The following KLF6 variants were observed in gnomAD, a reference collection of about 807,000 sequenced individuals.
KLF6 encodes KLF transcription factor 6.
For missense variants in KLF6, 233 were observed against 359.8 expected (o/e 0.65, Z 2.85); for synonymous variants, 152 against 147.9 (o/e 1.03, Z -0.20).
rs1832468226 is a variant in KLF6, at chr10:3,779,293, A to G, written c.*246T>C. On this transcript the variant is annotated 3_prime_UTR_variant, in exon 4 of 4. Transcript: ENST00000497571. ...GTGTGCATGCTCACGGCAAAGGCTTAGGCGCCGCTCGGAAGGGCGGGTACC... is the reference window on the plus strand; with the variant it reads ...GTGTGCATGCTCACGGCAAAGGCTTGGGCGCCGCTCGGAAGGGCGGGTACC... 3.1e-6 allele frequency: 2 copies of G among 651,214 alleles called. No homozygotes were observed. Among genetic ancestry groups the G allele is most frequent in the Non-Finnish European group, 5.7e-6 (2 of 353,006 alleles). 40.3% of individuals were successfully genotyped at this position (651,214 alleles called of 1,614,324 possible). A position where few individuals can be genotyped will look rare whatever the true frequency, so the allele number is the denominator to read the frequency against.
In KLF6 at chr10:3,778,049, TTTTTCCA is replaced by T. The variant is rs201553148; in HGVS notation, c.*1483_*1489del. The T allele has an allele frequency of 9.7e-3, 4,981 of 512,464 alleles. 44 individuals are homozygous for T. Among genetic ancestry groups the T allele is most frequent in the Non-Finnish European group, 0.014 (3,666 of 262,560 alleles). 31.7% of individuals were successfully genotyped at this position (512,464 alleles called of 1,614,324 possible). The stretch of plus-strand genomic sequence containing the variant: ...TCTCAAGGTGGCAGAATTGGTCAGA[TTTTTCCA>T]TTTTCCTGTTTTCCATTTTAACACT... On this transcript the variant is annotated 3_prime_UTR_variant, in exon 4 of 4. Coordinates refer to ENST00000497571, the MANE Select transcript of KLF6 (RefSeq NM_001300.6).
chr10:3,780,043 A>G lies in KLF6; in HGVS notation c.800+63T>C. 1 of 1,605,120 alleles carries G rather than the reference A, an allele frequency of 6.2e-7. No individual in the cohort carries two copies. Among genetic ancestry groups the G allele is most frequent in the East Asian group, 2.2e-5 (1 of 44,836 alleles). ...CGAATGTGCCCTGCACACCTACTCA[A>G]CCCTGGTCATCACATTCCCAAGGCC... On this transcript the variant is annotated intron_variant, in intron 3 of 3. Transcript: ENST00000497571. This position sits in a 1 kb window ranked among gnomAD's most constrained non-coding sequence, Gnocchi z 4.6.
intron 1 of KLF6, among the ~76,000 whole-genome samples, chr10:3,783,836 C>A (rs1365815473): frequency 6.6e-6 from 1 of 152,092 alleles, no homozygotes; most frequent in Non-Finnish European, 1.5e-5. Context: ...CAGGTCTGGC[C>A]GTTTGCCCAA....
rs1297535019 is a variant in KLF6, at chr10:3,777,549, C to G, written c.*1990G>C. ...ATTCCAGACCTGCCCATTTGATGGA[C>G]AGAGCAGACAGCCCGGAACAGATTC... is the stretch of plus-strand genomic sequence containing the variant. On this transcript the variant is annotated 3_prime_UTR_variant, in exon 4 of 4. Coordinates refer to ENST00000497571, the MANE Select transcript of KLF6 (RefSeq NM_001300.6). 1.2e-5 allele frequency: 6 copies of G among 510,968 alleles called. No individual in the cohort carries two copies. Among genetic ancestry groups the G allele is most frequent in the Admixed American group, 6.8e-5 (3 of 44,182 alleles). The allele number at this position is 510,968 out of a possible 1,614,324, so 31.7% of individuals were successfully genotyped here.
intron 1 of KLF6, among the ~76,000 whole-genome samples, chr10:3,784,590 A>C (rs1832606363): frequency 1.3e-5 from 2 of 148,244 alleles, no homozygotes; most frequent in East Asian, 3.9e-4. Flanking sequence ...AAACAACAAA[A>C]AACAAACAAA....
At position 3,777,774 on chromosome 10, in the gene KLF6, A is replaced by C. The variant is rs1338059740; in HGVS notation, c.*1765T>G. On this transcript the variant is annotated 3_prime_UTR_variant, in exon 4 of 4. Transcript: ENST00000497571. The stretch of plus-strand genomic sequence containing the variant: ...CTATATATATAATATATATATATAC[A>C]CACATACACATACTGTACACACAAA... 2 of 396,290 alleles carry C rather than the reference A, an allele frequency of 5.0e-6. No individual in the cohort carries two copies. The highest frequency in any genetic ancestry group is 9.5e-6 in the Non-Finnish European group (2 of 210,030). The allele number at this position is 396,290 out of a possible 1,614,324, so 24.5% of individuals were successfully genotyped here. A position where few individuals can be genotyped will look rare whatever the true frequency, so the allele number is the denominator to read the frequency against.
At chr10:3,784,016 A>T (rs1832591579) in intron 1 of KLF6, among the ~76,000 whole-genome samples, 1 of 152,178 alleles carries the variant, frequency 6.6e-6, no homozygotes. Flanking sequence ...ATCTTCCTTA[A>T]AGCTTTCGAG....
chr10:3,781,314 G>A lies in KLF6; in HGVS notation c.676+327C>T. 3 of 1,027,894 alleles carry A rather than the reference G, an allele frequency of 2.9e-6. No individual in the cohort carries two copies. The highest frequency in any genetic ancestry group is 2.6e-5 in the East Asian group (1 of 37,966). The allele number at this position is 1,027,894 out of a possible 1,614,324, so 63.7% of individuals were successfully genotyped here. A position where few individuals can be genotyped will look rare whatever the true frequency, so the allele number is the denominator to read the frequency against. On this transcript the variant is annotated intron_variant, in intron 2 of 3. Coordinates refer to ENST00000497571, the MANE Select transcript of KLF6 (RefSeq NM_001300.6). This position sits in a 1 kb window ranked among gnomAD's most constrained non-coding sequence, Gnocchi z 5.8. ...CCGCTCGAGGTAGCCTCGTGCGAGT[G>A]CACTGGTGAAGGGGCAGTGGCCTCG...
In KLF6 at chr10:3,778,043, G is replaced by A; in HGVS notation, c.*1496C>T. ...TGAAAGTCTCAAGGTGGCAGAATTG[G>A]TCAGATTTTTCCATTTTCCTGTTTT... On this transcript the variant is annotated 3_prime_UTR_variant, in exon 4 of 4. Transcript: ENST00000497571. The A allele has an allele frequency of 2.0e-6, 1 of 512,040 alleles. No individual in the cohort carries two copies. The highest frequency in any genetic ancestry group is 1.5e-5 in the South Asian group (1 of 64,974). The allele number at this position is 512,040 out of a possible 1,614,324, so 31.7% of individuals were successfully genotyped here. A position where few individuals can be genotyped will look rare whatever the true frequency, so the allele number is the denominator to read the frequency against.
chr10:3,782,328 C>T lies in KLF6; in HGVS notation c.103-114G>A, dbSNP rs1028049194. Reference sequence around the variant, plus strand: ...AGGACAGATAACATTGCTGCCCGGTCACTACAGGGGCAAAACCTTTTGTAA... The same window carrying T: ...AGGACAGATAACATTGCTGCCCGGTTACTACAGGGGCAAAACCTTTTGTAA... On this transcript the variant is annotated intron_variant, in intron 1 of 3. Transcript: ENST00000497571. The surrounding 1 kb of genome is among the most constrained non-coding windows in gnomAD (Gnocchi z 4.3). The T allele has an allele frequency of 2.5e-5, 21 of 846,048 alleles. No individual in the cohort carries two copies. Among genetic ancestry groups the T allele is most frequent in the Non-Finnish European group, 3.9e-5 (20 of 513,324 alleles). The allele number at this position is 846,048 out of a possible 1,614,324, so 52.4% of individuals were successfully genotyped here.
chr10:3,784,406 G>A (rs1049969319), intron 1 of KLF6, among the ~76,000 whole-genome samples: 1 of 152,024 alleles, frequency 6.6e-6, no homozygotes, highest in Non-Finnish European at 1.5e-5. Context: ...GCAGATCTAG[G>A]GGAAATGTTA....
rs540432554 is a variant in KLF6 at position 3,781,013 on chromosome 10, C to G, written c.676+628G>C. ...TCCCAGTTCTAAATGTTCTGTGATT[C>G]CTCACCAATTATCCTAGAACATGTC... is the stretch of plus-strand genomic sequence containing the variant. On this transcript the variant is annotated intron_variant, in intron 2 of 3. Coordinates refer to ENST00000497571, the MANE Select transcript of KLF6 (RefSeq NM_001300.6). The surrounding 1 kb of genome is among the most constrained non-coding windows in gnomAD (Gnocchi z 5.8). 1.4e-4 allele frequency: 22 copies of G among 160,214 alleles called. No homozygotes were observed. The South Asian group carries it at 2.8e-3, about 20-fold the overall frequency. 9.9% of individuals were successfully genotyped at this position (160,214 alleles called of 1,614,324 possible).
Position 3,780,519 on chromosome 10 carries a change from C to A in KLF6, c.677-290G>T, listed in dbSNP as rs112583381. 2.1e-6 allele frequency: 1 copy of A among 475,314 alleles called. No individual in the cohort carries two copies. The allele number at this position is 475,314 out of a possible 1,614,324, so 29.4% of individuals were successfully genotyped here. A position where few individuals can be genotyped will look rare whatever the true frequency, so the allele number is the denominator to read the frequency against. Reference sequence around the variant, plus strand: ...ACGACTCAGACCAGCAAAATGCTTGCGGGATGAGGTGTCAGCCTGCCGGAC... The same window carrying A: ...ACGACTCAGACCAGCAAAATGCTTGAGGGATGAGGTGTCAGCCTGCCGGAC... On this transcript the variant is annotated intron_variant, in intron 2 of 3. Transcript: ENST00000497571. This position sits in a 1 kb window ranked among gnomAD's most constrained non-coding sequence, Gnocchi z 4.6.
chr10:3,779,177 T>C lies in KLF6; in HGVS notation c.*362A>G, dbSNP rs1218347635. On this transcript the variant is annotated 3_prime_UTR_variant, in exon 4 of 4. Transcript: ENST00000497571. ...ACTACTTTTTTTCCATCTCTTGCAG[T>C]CTTGCTAACCACAAGGAAAAAAAGT... is the stretch of plus-strand genomic sequence containing the variant. The C allele has an allele frequency of 1.8e-6, 1 of 551,866 alleles. No individual in the cohort carries two copies. The highest frequency in any genetic ancestry group is 3.5e-6 in the Non-Finnish European group (1 of 288,316). 34.2% of individuals were successfully genotyped at this position (551,866 alleles called of 1,614,324 possible).
Position 3,779,217 on chromosome 10 carries a change from G to T in KLF6, c.*322C>A. On this transcript the variant is annotated 3_prime_UTR_variant, in exon 4 of 4. Transcript: ENST00000497571. ...GGAAAAAAAGTTGGCCTCATCATAC[G>T]GTCAGTAATAGATCCTCAACATACA... 1 of 567,442 alleles carries T rather than the reference G, an allele frequency of 1.8e-6. No homozygotes were observed. The highest frequency in any genetic ancestry group is 3.3e-6 in the Non-Finnish European group (1 of 298,844). 35.2% of individuals were successfully genotyped at this position (567,442 alleles called of 1,614,324 possible).
chr10:3,782,670 A>T lies in KLF6; in HGVS notation c.103-456T>A, dbSNP rs527241428. Among the ~76,000 whole-genome samples, 8 of 152,334 alleles carry T rather than the reference A, an allele frequency of 5.3e-5. No individual in the cohort carries two copies. The highest frequency in any genetic ancestry group is 1.9e-4 in the African/African-American group (8 of 41,574). On this transcript the variant is annotated intron_variant, in intron 1 of 3. Coordinates refer to ENST00000497571, the MANE Select transcript of KLF6 (RefSeq NM_001300.6). This position sits in a 1 kb window ranked among gnomAD's most constrained non-coding sequence, Gnocchi z 4.3. ...CACCCTTCACACTCCACAGATACCC[A>T]CACAGGACAGAAAGACTGCACGGCA...
At position 3,781,503 on chromosome 10, in the gene KLF6, G is replaced by T. The variant is rs1468418042; in HGVS notation, c.676+138C>A. ...GAACTCCAAAAAGACCTAATGCTTT[G>T]GTGGAAAACATCTGAGGAAGTGAGG... On this transcript the variant is annotated intron_variant, in intron 2 of 3. Transcript: ENST00000497571. This position sits in a 1 kb window ranked among gnomAD's most constrained non-coding sequence, Gnocchi z 5.8. 2 of 1,552,250 alleles carry T rather than the reference G, an allele frequency of 1.3e-6. No homozygotes were observed. The highest frequency in any genetic ancestry group is 8.7e-7 in the Non-Finnish European group (1 of 1,147,648).
At position 3,778,382 on chromosome 10, in the gene KLF6, AAC is replaced by A. The variant is rs1201260531; in HGVS notation, c.*1155_*1156del. 3.8e-6 allele frequency: 2 copies of A among 524,800 alleles called. No individual in the cohort carries two copies. The highest frequency in any genetic ancestry group is 7.4e-6 in the Non-Finnish European group (2 of 270,374). 32.5% of individuals were successfully genotyped at this position (524,800 alleles called of 1,614,324 possible). A position where few individuals can be genotyped will look rare whatever the true frequency, so the allele number is the denominator to read the frequency against. On this transcript the variant is annotated 3_prime_UTR_variant, in exon 4 of 4. Transcript: ENST00000497571. Reference sequence around the variant, plus strand: ...TAAGAGAAACATAGCTGCATGAGAAAACAGTTTCTAAGCGTTAGTGGTTTTAT... The same window carrying A: ...TAAGAGAAACATAGCTGCATGAGAAAAGTTTCTAAGCGTTAGTGGTTTTAT...
At chr10:3,783,990 C>T (rs201671564) in intron 1 of KLF6, among the ~76,000 whole-genome samples, 2 of 152,194 alleles carry the variant, frequency 1.3e-5, no homozygotes, top group East Asian at 1.9e-4. Context: ...GTGAAGGTTG[C>T]AACACCCTGC....
Sources: allele counts gnomAD v4.1 joint callset (sites outside exome capture counted in the v4.1 genomes callset), GRCh38; gene constraint gnomAD v4.1.1; non-coding constraint Gnocchi (gnomAD v3.1); transcripts MANE v1.5; gene names NCBI Gene and HGNC (gene_info 2026-07-23, HGNC 2026-07-21).